The following SV2C variants were observed in gnomAD, a reference collection of about 807,000 sequenced individuals.
SV2C encodes the protein synaptic vesicle glycoprotein 2C.
Under a neutral mutation model 79.7 loss-of-function variants are expected in SV2C, and 49 were observed. The ratio of observed to expected loss-of-function variants is 0.61; its 90% CI spans 0.49 to 0.78. The LOEUF (loss-of-function observed/expected upper bound fraction) is 0.78. SV2C is among the 30% of genes least tolerant of loss of function. SV2C has a pLI of 0.00. For synonymous variants in SV2C, 334 were observed against 333.2 expected (o/e 1.00, Z -0.03); for missense variants, 833 against 912.9 (o/e 0.91, Z 1.13).
intron 3 of SV2C, among the ~76,000 whole-genome samples, chr5:76,209,429 A>T (rs1437887994): frequency 6.6e-6 from 1 of 152,246 alleles, no homozygotes; most frequent in Non-Finnish European, 1.5e-5. Context: ...CACACAAAAC[A>T]CAACCATGAG....
At chr5:76,036,060 T>C in the SV2C span, among the ~76,000 whole-genome samples, 6 of 152,092 alleles carry the variant, frequency 3.9e-5, no homozygotes, top group African/African-American at 1.4e-4. Context: ...GAGACTAGGA[T>C]TGCAACCCCT....
the SV2C span, among the ~76,000 whole-genome samples, chr5:75,952,433 C>T: frequency 1.5e-4 from 23 of 151,586 alleles, no homozygotes; most frequent in African/African-American, 4.8e-4. Context: ...TTATTGTGGT[C>T]GTGTGGTTTG....
the SV2C span, among the ~76,000 whole-genome samples, chr5:76,034,495 T>A: frequency 6.6e-6 from 1 of 152,244 alleles, no homozygotes. Context: ...TTTCTGCATC[T>A]GTTGAGATAA....
chr5:76,322,651 A>G (rs1396361549), intron 12 of SV2C, among the ~76,000 whole-genome samples: 1 of 152,234 alleles, frequency 6.6e-6, no homozygotes, highest in Non-Finnish European at 1.5e-5. Context: ...ACAAGGCTAC[A>G]GTAACCAAAA....
rs1749180850 is a variant in SV2C at position 76,331,387 on chromosome 5, C to G, written c.*5840C>G. On this transcript the variant is annotated 3_prime_UTR_variant, in exon 13 of 13. Transcript: ENST00000502798. ...CTTTGCAGACATCCTAAAGCAGCTT[C>G]CCTCCTCGCTACCCTCAGCAGATAA... 6.6e-6 allele frequency: 1 copy of G among 152,294 alleles called. No homozygotes were observed. The highest frequency in any genetic ancestry group is 2.4e-5 in the African/African-American group (1 of 41,466). 9.4% of individuals were successfully genotyped at this position (152,294 alleles called of 1,614,324 possible).
chr5:76,308,092 TG>T (rs1204260004), intron 12 of SV2C, among the ~76,000 whole-genome samples: 2 of 152,268 alleles, frequency 1.3e-5, no homozygotes, highest in African/African-American at 4.8e-5. Flanking sequence ...AAACAGTTTC[TG>T]ATTGGAAGCA....
chr5:76,084,620 A>T (rs1391241312), intron 1 of SV2C, among the ~76,000 whole-genome samples: 1 of 142,360 alleles, frequency 7.0e-6, no homozygotes, highest in Non-Finnish European at 1.5e-5. Context: ...TGCCGCCTGG[A>T]CGGCCTGAGC....
At chr5:75,958,877 T>C in the SV2C span, among the ~76,000 whole-genome samples, 1 of 151,930 alleles carries the variant, frequency 6.6e-6, no homozygotes, top group Non-Finnish European at 1.5e-5. Context: ...AACCCTTTGA[T>C]GGTCATGAAG....
chr5:75,907,760 A>C, the SV2C span, among the ~76,000 whole-genome samples: 2 of 152,206 alleles, frequency 1.3e-5, no homozygotes, highest in Admixed American at 6.5e-5. Flanking sequence ...TTGTCTCTCT[A>C]ATCTGATTCT....
chr5:75,891,951 C>T, the SV2C span, among the ~76,000 whole-genome samples: 1 of 152,076 alleles, frequency 6.6e-6, no homozygotes, highest in South Asian at 2.1e-4. Context: ...AGCTTAGGGC[C>T]AGATAAACCC....
At position 76,328,370 on chromosome 5, in the gene SV2C, A is replaced by C. The variant is rs1017753634; in HGVS notation, c.*2823A>C. 6 of 152,248 alleles carry C rather than the reference A, an allele frequency of 3.9e-5. No homozygotes were observed. Among genetic ancestry groups the C allele is most frequent in the African/African-American group, 1.4e-4 (6 of 41,468 alleles). 9.4% of individuals were successfully genotyped at this position (152,248 alleles called of 1,614,324 possible). A position where few individuals can be genotyped will look rare whatever the true frequency, so the allele number is the denominator to read the frequency against. ...AATTTCCCTGTTGCTCTTTGGAATC[A>C]ATCCAGAATGCTCCCAAGTCCCATT... On this transcript the variant is annotated 3_prime_UTR_variant, in exon 13 of 13. Coordinates refer to ENST00000502798, the MANE Select transcript of SV2C (RefSeq NM_014979.4).
chr5:75,883,815 T>C, the SV2C span, among the ~76,000 whole-genome samples: 421 of 150,374 alleles, frequency 2.8e-3, 7 homozygotes, highest in East Asian at 0.034. Flanking sequence ...TGTGCACATG[T>C]ACCCTAAAAT....
At chr5:76,018,797 G>A in the SV2C span, among the ~76,000 whole-genome samples, 1 of 152,192 alleles carries the variant, frequency 6.6e-6, no homozygotes, top group Non-Finnish European at 1.5e-5. Flanking sequence ...AGAATCCTAT[G>A]CGTACATGAA....
the SV2C span, among the ~76,000 whole-genome samples, chr5:75,996,279 A>G: frequency 6.6e-6 from 1 of 152,176 alleles, no homozygotes; most frequent in Admixed American, 6.5e-5. Context: ...AGGTTTGTCA[A>G]AGATCAGATA....
chr5:76,315,342 G>A (rs748731134), intron 12 of SV2C, among the ~76,000 whole-genome samples: 3 of 151,884 alleles, frequency 2.0e-5, no homozygotes, highest in South Asian at 4.2e-4. Flanking sequence ...AAATATGATA[G>A]TCTGGTATCA....
chr5:76,213,769 G>C (rs1478592559), intron 4 of SV2C, among the ~76,000 whole-genome samples: 1 of 152,146 alleles, frequency 6.6e-6, no homozygotes, highest in Non-Finnish European at 1.5e-5. Context: ...CAAGTATACA[G>C]TACAGTACAA....
At chr5:75,972,514 G>T in the SV2C span, among the ~76,000 whole-genome samples, 1 of 152,016 alleles carries the variant, frequency 6.6e-6, no homozygotes, top group East Asian at 1.9e-4. Context: ...AAAACTGGGC[G>T]AAGGATATGA....
At chr5:75,897,741 C>T in the SV2C span, among the ~76,000 whole-genome samples, 3 of 152,296 alleles carry the variant, frequency 2.0e-5, no homozygotes, top group East Asian at 1.9e-4. Context: ...TCTTTTATTT[C>T]CTTGAGCAGT....
intron 2 of SV2C, among the ~76,000 whole-genome samples, chr5:76,186,431 C>A (rs1743919643): frequency 6.6e-6 from 1 of 152,162 alleles, no homozygotes; most frequent in Non-Finnish European, 1.5e-5. Context: ...GTGGCTCATG[C>A]CTGTAATCAC....
Sources: allele counts gnomAD v4.1 joint callset (sites outside exome capture counted in the v4.1 genomes callset), GRCh38; gene constraint gnomAD v4.1.1; transcripts MANE v1.5; gene names NCBI Gene and HGNC (gene_info 2026-07-23, HGNC 2026-07-21).